ST6GALNAC3: variants seen among roughly 807,000 people sequenced by gnomAD.
ST6GALNAC3 encodes the protein alpha-N-acetylgalactosaminide alpha-2,6-sialyltransferase 3.
A neutral mutation model predicts 32.7 loss-of-function variants in ST6GALNAC3; 25 were observed. The ratio of observed to expected loss-of-function variants is 0.76; its 90% confidence interval spans 0.56 to 1.07. The LOEUF is 1.07. ST6GALNAC3 is among the 50% of genes least tolerant of loss of function. The probability of loss-of-function intolerance (pLI) is 0.00; values close to 1 mark genes in which losing one functional copy is unlikely to be tolerated. For missense variants in ST6GALNAC3, 355 were observed against 382.4 expected (o/e 0.93, Z 0.60); for synonymous variants, 129 against 133.1 (o/e 0.97, Z 0.21).
intron 2 of ST6GALNAC3, among the ~76,000 whole-genome samples, chr1:76,379,669 G>C (rs905782581): frequency 3.9e-5 from 6 of 152,164 alleles, no homozygotes; most frequent in Admixed American, 1.3e-4. Context: ...CAGAAAAACA[G>C]GCCTCTCCCA....
intron 2 of ST6GALNAC3, among the ~76,000 whole-genome samples, chr1:76,371,481 A>C (rs977941744): frequency 7.2e-5 from 11 of 152,166 alleles, no homozygotes; most frequent in African/African-American, 2.7e-4. Context: ...TGGAAGTGGA[A>C]AATGCAGGAT....
At chr1:76,628,521 G>A (rs962183209) in intron 4 of ST6GALNAC3, 99 bp from the exon 5 acceptor site, 1 of 1,092,672 alleles carries the variant, frequency 9.2e-7, no homozygotes, top group Non-Finnish European at 1.3e-6. Context: ...ATGGGTTTGT[G>A]AGTAAATGCA....
At position 76,347,574 on chromosome 1, in the gene ST6GALNAC3, C is replaced by T. The variant is rs148681967; in HGVS notation, c.213+33575C>T. ...ACTCCTAGAAAGCAATTGATGGTAT[C>T]TAAGCTATTTAATCTTGGCAAACCC... On this transcript the variant is annotated intron_variant, in intron 2 of 4. Transcript: ENST00000328299. Among the ~76,000 whole-genome samples the T allele has an allele frequency of 2.2e-4, 33 of 152,196 alleles. No individual in the cohort carries two copies. The East Asian group carries it at 4.4e-3, about 20-fold the overall frequency.
intron 3 of ST6GALNAC3, among the ~76,000 whole-genome samples, chr1:76,546,551 G>A (rs1664309297): frequency 6.6e-6 from 1 of 152,162 alleles, no homozygotes; most frequent in Non-Finnish European, 1.5e-5. Context: ...AATGACCTTT[G>A]AGACATGAGG....
chr1:76,492,959 A>T (rs980707794), intron 3 of ST6GALNAC3, among the ~76,000 whole-genome samples: 1 of 151,834 alleles, frequency 6.6e-6, no homozygotes, highest in Non-Finnish European at 1.5e-5. Context: ...CTAACCCTAC[A>T]TTCTTACTTC....
chr1:76,255,277 G>T (rs1348902559), intron 1 of ST6GALNAC3, among the ~76,000 whole-genome samples: 2 of 151,998 alleles, frequency 1.3e-5, no homozygotes, highest in African/African-American at 4.8e-5. Flanking sequence ...CGCTTGGGAG[G>T]AATACAAAGT....
chr1:76,453,691 G>T (rs1049245445), intron 3 of ST6GALNAC3, among the ~76,000 whole-genome samples: 11 of 152,146 alleles, frequency 7.2e-5, no homozygotes, highest in Middle Eastern at 3.4e-3. Context: ...TTGTTTTGTG[G>T]CCTGTCATAT....
chr1:76,217,507 C>A (rs1215560211), intron 1 of ST6GALNAC3, among the ~76,000 whole-genome samples: 4 of 152,128 alleles, frequency 2.6e-5, no homozygotes, highest in Non-Finnish European at 5.9e-5. Context: ...TTTGCAAACA[C>A]AACTTCTTCT....
At chr1:76,281,412 A>G (rs1334534664) in intron 1 of ST6GALNAC3, among the ~76,000 whole-genome samples, 1 of 152,252 alleles carries the variant, frequency 6.6e-6, no homozygotes, top group Non-Finnish European at 1.5e-5. Context: ...TTGCAGCCCC[A>G]GTGCTTTTCA....
intron 3 of ST6GALNAC3, among the ~76,000 whole-genome samples, chr1:76,451,519 G>T (rs934427823): frequency 2.0e-5 from 3 of 152,090 alleles, no homozygotes; most frequent in African/African-American, 4.8e-5. Context: ...TTTGGGTGGG[G>T]GCACATCCAA....
intron 2 of ST6GALNAC3, among the ~76,000 whole-genome samples, chr1:76,388,231 G>T (rs1161930854): frequency 6.6e-6 from 1 of 152,158 alleles, no homozygotes; most frequent in Non-Finnish European, 1.5e-5. Flanking sequence ...TCTTTGGACG[G>T]TCAGCTATCC....
At chr1:76,259,564 T>C (rs2100723777) in intron 1 of ST6GALNAC3, among the ~76,000 whole-genome samples, 1 of 152,310 alleles carries the variant, frequency 6.6e-6, no homozygotes, top group African/African-American at 2.4e-5. Context: ...CCCTTCTCTC[T>C]GTTGAATACA....
At chr1:76,348,175 C>T (rs1648676809) in intron 2 of ST6GALNAC3, among the ~76,000 whole-genome samples, 1 of 150,012 alleles carries the variant, frequency 6.7e-6, no homozygotes, top group Non-Finnish European at 1.5e-5. Context: ...GAAAAATGGC[C>T]TCTACTGTTT....
In ST6GALNAC3 at chr1:76,353,031, A is replaced by G. The variant is rs114150387; in HGVS notation, c.213+39032A>G. Among the ~76,000 whole-genome samples, 464 of 151,640 alleles carry G rather than the reference A, an allele frequency of 3.1e-3. 3 individuals carry two copies. Among genetic ancestry groups the G allele is most frequent in the African/African-American group, 0.01 (426 of 41,278 alleles). The stretch of plus-strand genomic sequence containing the variant: ...CTTCCACTCTCATCTTCCAGCCCTC[A>G]CCCTCATCATCCATTCTCCAAAGAG... On this transcript the variant is annotated intron_variant, in intron 2 of 4. Coordinates refer to ENST00000328299, the MANE Select transcript of ST6GALNAC3 (RefSeq NM_152996.4).
intron 1 of ST6GALNAC3, among the ~76,000 whole-genome samples, chr1:76,292,995 C>T (rs1358653415): frequency 6.6e-6 from 1 of 152,168 alleles, no homozygotes; most frequent in Non-Finnish European, 1.5e-5. Context: ...CTCAAGTCTT[C>T]TCTGTGCCAG....
intron 1 of ST6GALNAC3, among the ~76,000 whole-genome samples, chr1:76,251,715 C>T (rs1197364415): frequency 6.6e-6 from 1 of 152,098 alleles, no homozygotes; most frequent in African/African-American, 2.4e-5. Context: ...ACAAATTTTT[C>T]TCTTGCTCCA....
intron 1 of ST6GALNAC3, among the ~76,000 whole-genome samples, chr1:76,263,049 C>A (rs1377386250): frequency 6.6e-6 from 1 of 152,152 alleles, no homozygotes; most frequent in Admixed American, 6.5e-5. Flanking sequence ...CACCATGCTC[C>A]AGATTTGATC....
chr1:76,595,908 C>T (rs1188238824), intron 3 of ST6GALNAC3, among the ~76,000 whole-genome samples: 1 of 152,052 alleles, frequency 6.6e-6, no homozygotes, highest in South Asian at 2.1e-4. Context: ...AGAAGTTGTT[C>T]TCAGGCCTGG....
chr1:76,586,715 A>G (rs1478823760), intron 3 of ST6GALNAC3, among the ~76,000 whole-genome samples: 1 of 152,230 alleles, frequency 6.6e-6, no homozygotes, highest in Non-Finnish European at 1.5e-5. Flanking sequence ...ATGTGACATT[A>G]ATCAGTGTTT....
Sources: gnomAD v4.1 joint callset for allele counts (sites outside exome capture counted in the v4.1 genomes callset) on GRCh38, gnomAD v4.1.1 for gene constraint, MANE v1.5 for transcripts, NCBI Gene and HGNC (gene_info 2026-07-23, HGNC 2026-07-21) for gene names.